Variants in ATG7 observed in about 807,000 individuals in gnomAD.
ATG7 encodes the protein autophagy related 7.
ATG7 carries 70 observed loss-of-function variants against 82.4 expected under a neutral mutation model. That is an observed-to-expected ratio of 0.85 (90% CI 0.70 to 1.04). ATG7 has a LOEUF of 1.04. Among genes scored for constraint, ATG7 ranks in the 50% least tolerant of loss-of-function variants. The pLI is 0.00. For synonymous variants in ATG7, 287 were observed against 313.0 expected (o/e 0.92, Z 0.88); for missense variants, 792 against 864.3 (o/e 0.92, Z 1.05).
At chr3:11,558,888 T>G, downstream of ATG7, 14 of 1,574,650 alleles carry the variant, frequency 8.9e-6, no homozygotes, top group African/African-American at 1.3e-5. Context: ...ACAGGCACGG[T>G]TGCAGCACCC....
At chr3:11,473,367 A>G (rs1029019928) in intron 20 of ATG7, among the ~76,000 whole-genome samples, 5 of 152,162 alleles carry the variant, frequency 3.3e-5, no homozygotes, top group African/African-American at 1.2e-4. Flanking sequence ...TTTCCTGCAA[A>G]TCATCCCATT....
Position 11,342,122 on chromosome 3 carries a change from T to C in ATG7, c.981-13T>C. 1.9e-6 allele frequency: 3 copies of C among 1,607,344 alleles called. No individual in the cohort carries two copies. The highest frequency in any genetic ancestry group is 2.5e-6 in the Non-Finnish European group (3 of 1,177,826). ...AAAGGAGTGACTGAATAAGTAAATC[T>C]CTCCTTTTCTAGGTTAGCTGAGTCA... On this transcript the variant is annotated splice_polypyrimidine_tract_variant and intron_variant, in intron 12 of 20. Transcript: ENST00000693202.
intron 19 of ATG7, among the ~76,000 whole-genome samples, chr3:11,382,034 T>C (rs1462608648): frequency 6.6e-6 from 1 of 152,232 alleles, no homozygotes. Flanking sequence ...AGTTGTTGTT[T>C]CAAAAGATTG....
At chr3:11,573,597 G>A in the ATG7 span, among the ~76,000 whole-genome samples, 5 of 152,284 alleles carry the variant, frequency 3.3e-5, no homozygotes, top group East Asian at 1.9e-4. Flanking sequence ...GTGTATCCTC[G>A]GTGACATCTG....
intron 20 of ATG7, chr3:11,488,382 G>C: frequency 8.9e-7 from 1 of 1,122,474 alleles, no homozygotes; most frequent in South Asian, 2.1e-5. Flanking sequence ...CGGCGGCAAA[G>C]ACTGAGACAG....
chr3:11,351,072 G>A (rs552917438), intron 14 of ATG7, among the ~76,000 whole-genome samples: 21 of 151,678 alleles, frequency 1.4e-4, no homozygotes, highest in Non-Finnish European at 2.5e-4. Context: ...TCAAATCCTA[G>A]TCATTGTCAG....
At chr3:11,528,825 CAAAAAAAAA>C (rs11377789) in intron 20 of ATG7, among the ~76,000 whole-genome samples, 5 of 88,746 alleles carry the variant, frequency 5.6e-5, no homozygotes, top group African/African-American at 1.9e-4. Flanking sequence ...GACTCCATCT[CAAAAAAAAA>C]AAAAAAAAAA....
At chr3:11,492,507 G>C (rs1358642937) in intron 20 of ATG7, among the ~76,000 whole-genome samples, 1 of 152,174 alleles carries the variant, frequency 6.6e-6, no homozygotes, top group Non-Finnish European at 1.5e-5. Context: ...ATATTTTCTT[G>C]ACACCCTTTG....
At chr3:11,506,716 C>T (rs185532784) in intron 20 of ATG7, among the ~76,000 whole-genome samples, 162 of 151,260 alleles carry the variant, frequency 1.1e-3, no homozygotes, top group Non-Finnish European at 1.6e-3. Context: ...CACTCCAGCC[C>T]GAGTGGCAGA....
intron 19 of ATG7, among the ~76,000 whole-genome samples, chr3:11,424,975 C>CCT (rs1553656720): frequency 7.9e-5 from 12 of 151,474 alleles, no homozygotes; most frequent in Non-Finnish European, 1.2e-4. Flanking sequence ...CAAAATATCC[C>CCT]TTTTTTTTGT....
At chr3:11,410,067 A>G (rs1305930550) in intron 19 of ATG7, among the ~76,000 whole-genome samples, 1 of 151,714 alleles carries the variant, frequency 6.6e-6, no homozygotes, top group Non-Finnish European at 1.5e-5. Flanking sequence ...CTCCCTACAA[A>G]AACTTTACAA....
the ATG7 span, chr3:11,568,546 A>G: frequency 2.6e-6 from 4 of 1,550,320 alleles, no homozygotes; most frequent in Non-Finnish European, 3.5e-6. The surrounding 1 kb of genome is among the most constrained non-coding windows in gnomAD (Gnocchi z 5.9). Flanking sequence ...CACTGAAAAC[A>G]GCGAGAAAAG....
At chr3:11,353,655 A>G (rs904640694) in intron 14 of ATG7, among the ~76,000 whole-genome samples, 3 of 151,998 alleles carry the variant, frequency 2.0e-5, no homozygotes, top group South Asian at 2.1e-4. Context: ...TCGACCTCTT[A>G]GTTCACGTGA....
At chr3:11,576,323 A>C in the ATG7 span, among the ~76,000 whole-genome samples, 1 of 152,230 alleles carries the variant, frequency 6.6e-6, no homozygotes, top group African/African-American at 2.4e-5. Flanking sequence ...TGTTGCTGAG[A>C]TTAATAAAAT....
intron 11 of ATG7, among the ~76,000 whole-genome samples, chr3:11,338,329 G>C (rs1180820388): frequency 2.0e-5 from 3 of 152,126 alleles, no homozygotes; most frequent in African/African-American, 7.2e-5. Flanking sequence ...TGGTGTGTGT[G>C]TACCACATTT....
intron 5 of ATG7, among the ~76,000 whole-genome samples, chr3:11,303,061 C>T (rs1947040608): frequency 6.6e-6 from 1 of 152,184 alleles, no homozygotes; most frequent in African/African-American, 2.4e-5. Flanking sequence ...GCTCCATTAT[C>T]CCTGAGGACT....
At chr3:11,326,256 C>G (rs962425369) in intron 9 of ATG7, among the ~76,000 whole-genome samples, 1 of 151,236 alleles carries the variant, frequency 6.6e-6, no homozygotes, top group African/African-American at 2.4e-5. Flanking sequence ...CCTTCTCCCC[C>G]TTTTTACACT....
At chr3:11,516,752 T>C (rs1460456529) in intron 20 of ATG7, among the ~76,000 whole-genome samples, 1 of 152,128 alleles carries the variant, frequency 6.6e-6, no homozygotes, top group East Asian at 1.9e-4. Flanking sequence ...AAATGAGCTA[T>C]CAAGCCATTA....
intron 18 of ATG7, among the ~76,000 whole-genome samples, chr3:11,377,453 T>G (rs544558876): frequency 3.8e-4 from 58 of 152,314 alleles, no homozygotes; most frequent in African/African-American, 4.8e-4. Flanking sequence ...GGTGGTGTTG[T>G]TGTTTTTCTT....
Sources: gnomAD v4.1 joint callset for allele counts (sites outside exome capture counted in the v4.1 genomes callset) on GRCh38, gnomAD v4.1.1 for gene constraint, Gnocchi (gnomAD v3.1) non-coding constraint, MANE v1.5 for transcripts, NCBI Gene and HGNC (gene_info 2026-07-23, HGNC 2026-07-21) for gene names.